Variants in RBM27 observed in about 807,000 individuals in gnomAD.
The protein encoded by RBM27 is RNA-binding protein 27.
A neutral mutation model predicts 135.3 loss-of-function variants in RBM27; 22 were observed. The observed-to-expected ratio is 0.16, with a 90% CI of 0.12 to 0.23. The LOEUF is 0.23. Among genes scored for constraint, RBM27 ranks in the 10% least tolerant of loss-of-function variants. The pLI is 1.00. For synonymous variants in RBM27, 481 were observed against 442.4 expected (o/e 1.09, Z -1.10); for missense variants, 1,009 against 1,281.0 (o/e 0.79, Z 3.24).
Position 146,233,710 on chromosome 5 carries a change from C to G in RBM27, c.1111C>G (p.Gln371Glu), listed in dbSNP as rs772823122. 12 of 1,472,402 alleles carry G rather than the reference C, an allele frequency of 8.1e-6. No homozygotes were observed. The highest frequency in any genetic ancestry group is 1.1e-5 in the Non-Finnish European group (12 of 1,112,032). The allele number at this position is 1,472,402 out of a possible 1,614,324, so 91.2% of individuals were successfully genotyped here. Residue 371 changes from glutamine (Q) to glutamate (E), a missense_variant, in exon 7 of 21, where the codon CAG becomes GAG. By Grantham distance (29) the Gln-to-Glu change is conservative (BLOSUM62 2). Around this residue, in one of 6 missense-constraint regions of RBM27, gnomAD observed 329 missense variants for 368.1 expected, o/e 0.89. Coordinates refer to ENST00000265271, the MANE Select transcript of RBM27 (RefSeq NM_018989.2). ...ACTTCCTGTTCCCCAAGGACATGGT[C>G]AGCCTCCACCATCCGTTGTGCTTCC... ...MRLPVPQGHG[Q>E]PPPSVVLPIP... is the part of the protein sequence containing the mutation.
At chr5:146,212,101 G>A (rs1755984552) in intron 1 of RBM27, among the ~76,000 whole-genome samples, 1 of 151,854 alleles carries the variant, frequency 6.6e-6, no homozygotes, top group Non-Finnish European at 1.5e-5. Context: ...TGTCACCCAG[G>A]CTGGAGTGCA....
chr5:146,249,295 T>TTA (rs1245833512), intron 8 of RBM27, among the ~76,000 whole-genome samples: 1 of 152,144 alleles, frequency 6.6e-6, no homozygotes, highest in Non-Finnish European at 1.5e-5. Flanking sequence ...ATTTTTCTCT[T>TTA]TAACATACTA....
At chr5:146,278,911 C>T (rs1288507088) in intron 19 of RBM27, among the ~76,000 whole-genome samples, 6 of 151,518 alleles carry the variant, frequency 4.0e-5, no homozygotes, top group African/African-American at 4.8e-5. Context: ...TGAGTAGAGA[C>T]GGGGTTTCAC....
intron 3 of RBM27, among the ~76,000 whole-genome samples, chr5:146,226,085 C>A (rs779100564): frequency 6.9e-5 from 10 of 144,360 alleles, no homozygotes; most frequent in Non-Finnish European, 1.3e-4. Context: ...CCAGGCTGGT[C>A]TTAAACTCCT....
chr5:146,274,262 TG>T (rs1443457107), intron 19 of RBM27, among the ~76,000 whole-genome samples: 14 of 151,714 alleles, frequency 9.2e-5, no homozygotes, highest in Admixed American at 2.6e-4. Flanking sequence ...TTTTGTTTTT[TG>T]TTTTCTGTTT....
intron 9 of RBM27, among the ~76,000 whole-genome samples, chr5:146,253,312 T>C (rs1757973240): frequency 6.6e-6 from 1 of 152,154 alleles, no homozygotes. Context: ...TTTGGTTTTA[T>C]TGATCATCAT....
chr5:146,253,406 A>T (rs1757977082), intron 9 of RBM27, among the ~76,000 whole-genome samples: 1 of 152,192 alleles, frequency 6.6e-6, no homozygotes, highest in Non-Finnish European at 1.5e-5. Flanking sequence ...ATAATTTATT[A>T]AAATTTCTGT....
At position 146,258,943 on chromosome 5, in the gene RBM27, C is replaced by T. The variant is rs564833709; in HGVS notation, c.1739+350C>T. On this transcript the variant is annotated intron_variant, in intron 11 of 20. Coordinates refer to ENST00000265271, the MANE Select transcript of RBM27 (RefSeq NM_018989.2). ...CCACCTGATTTTCTTGTATTTTTAG[C>T]GGAGATGGGGTTTCACCTTGTTAGT... is the stretch of plus-strand genomic sequence containing the variant. Among the ~76,000 whole-genome samples, 22 of 151,638 alleles carry T rather than the reference C, an allele frequency of 1.5e-4. No homozygotes were observed. In the South Asian group the frequency reaches 2.7e-3, roughly 19 times the overall value.
At chr5:146,231,262 G>T (rs1561535520) in intron 6 of RBM27, among the ~76,000 whole-genome samples, 1 of 152,128 alleles carries the variant, frequency 6.6e-6, no homozygotes. Flanking sequence ...GTGCCACCAT[G>T]CCTGGCTAAC....
intron 4 of RBM27, among the ~76,000 whole-genome samples, chr5:146,229,244 G>A (rs1264995912): frequency 6.6e-6 from 1 of 151,854 alleles, no homozygotes; most frequent in Non-Finnish European, 1.5e-5. Context: ...ATTATTATGT[G>A]TTTTCCCCAA....
rs192565034 is a variant in RBM27, at chr5:146,289,140, A to C, written c.*3110A>C. 3.7e-4 allele frequency: 56 copies of C among 152,216 alleles called. No homozygotes were observed. The East Asian group carries it at 9.6e-3, about 26-fold the overall frequency. The allele number at this position is 152,216 out of a possible 1,614,324, so 9.4% of individuals were successfully genotyped here. On this transcript the variant is annotated 3_prime_UTR_variant, in exon 21 of 21. Transcript: ENST00000265271. ...GGAATGGTTCACAATTGGAAAAAAA[A>C]AAGAAAAAAGATGAAAGTATTACAA...
intron 2 of RBM27, among the ~76,000 whole-genome samples, chr5:146,222,432 C>T (rs1221660663): frequency 6.6e-6 from 1 of 152,120 alleles, no homozygotes; most frequent in African/African-American, 2.4e-5. Flanking sequence ...GCCTGTAATC[C>T]CAGCACTTTG....
rs187746245 is a variant in RBM27 at position 146,204,238 on chromosome 5, T to A, written c.59+414T>A. 2.0e-4 allele frequency among the ~76,000 whole-genome samples: 31 copies of A among 152,302 alleles called. No individual in the cohort carries two copies. The East Asian group carries it at 5.8e-3, about 28-fold the overall frequency. On this transcript the variant is annotated intron_variant, in intron 1 of 20. Coordinates refer to ENST00000265271, the MANE Select transcript of RBM27 (RefSeq NM_018989.2). ...AATATCAAGGGTTTGATAAACATTA[T>A]TATTCCGGGACTGAAAGGTCTAGAA... is the stretch of plus-strand genomic sequence containing the variant.
At chr5:146,248,200 A>T (rs192644037) in intron 8 of RBM27, among the ~76,000 whole-genome samples, 15 of 147,774 alleles carry the variant, frequency 1.0e-4, no homozygotes, top group Non-Finnish European at 1.6e-4. Flanking sequence ...CTCATCTTTA[A>T]TCAATAGGAG....
intron 3 of RBM27, among the ~76,000 whole-genome samples, chr5:146,226,611 C>G (rs916505179): frequency 1.1e-4 from 16 of 152,130 alleles, no homozygotes; most frequent in African/African-American, 3.9e-4. Flanking sequence ...GAACACCTGA[C>G]CTCAGGTGAT....
chr5:146,283,559 A>G (rs989260881), intron 19 of RBM27, among the ~76,000 whole-genome samples: 1 of 152,006 alleles, frequency 6.6e-6, no homozygotes, highest in African/African-American at 2.4e-5. Flanking sequence ...AAAAAGGTAC[A>G]TATCTATATT....
chr5:146,237,128 G>A lies in RBM27; in HGVS notation c.1145-170G>A, dbSNP rs536600027. Reference sequence around the variant, plus strand: ...TCATTTTTGTATTGTTAGTAGAGACGAGGTTTCTCCATGTTGGTCAGGCTG... The same window carrying A: ...TCATTTTTGTATTGTTAGTAGAGACAAGGTTTCTCCATGTTGGTCAGGCTG... On this transcript the variant is annotated intron_variant, in intron 7 of 20. Coordinates refer to ENST00000265271, the MANE Select transcript of RBM27 (RefSeq NM_018989.2). Among the ~76,000 whole-genome samples, 12 of 152,104 alleles carry A rather than the reference G, an allele frequency of 7.9e-5. No homozygotes were observed. In the South Asian group the frequency reaches 2.1e-3, roughly 26 times the overall value.
At chr5:146,235,167 T>G (rs1218651948) in intron 7 of RBM27, among the ~76,000 whole-genome samples, 1 of 152,190 alleles carries the variant, frequency 6.6e-6, no homozygotes, top group East Asian at 1.9e-4. Flanking sequence ...TTTGAAATAA[T>G]TACAGACTCA....
intron 1 of RBM27, among the ~76,000 whole-genome samples, chr5:146,204,814 G>C (rs1202413596): frequency 6.6e-6 from 1 of 152,200 alleles, no homozygotes; most frequent in Non-Finnish European, 1.5e-5. Flanking sequence ...TGAGAGACCT[G>C]TCTTTTAAAA....
Sources: allele counts gnomAD v4.1 joint callset (sites outside exome capture counted in the v4.1 genomes callset), GRCh38; gene constraint gnomAD v4.1.1; regional missense constraint gnomAD v4.1.1; transcripts MANE v1.5; gene names NCBI Gene and HGNC (gene_info 2026-07-23, HGNC 2026-07-21).